Variants in BRF1 observed in about 807,000 individuals in gnomAD.
BRF1 encodes the protein BRF1 general transcription factor IIIB subunit, also known as transcription factor IIIB 90 kDa subunit.
BRF1 carries 59 observed loss-of-function variants against 81.7 expected under a neutral mutation model. The ratio of observed to expected loss-of-function variants is 0.72; its 90% CI spans 0.59 to 0.90. BRF1 has a LOEUF of 0.90. BRF1 is among the 40% of genes least tolerant of loss of function. The probability of loss-of-function intolerance (pLI) is 0.00; values close to 1 mark genes in which losing one functional copy is unlikely to be tolerated. For synonymous variants in BRF1, 491 were observed against 395.6 expected (o/e 1.24, Z -2.86); for missense variants, 1,050 against 936.3 (o/e 1.12, Z -1.58).
intron 5 of BRF1, chr14:105,249,927 G>C: frequency 6.2e-7 from 1 of 1,611,388 alleles, no homozygotes; most frequent in South Asian, 1.1e-5. Flanking sequence ...ATTGTCACTC[G>C]GGAGGCCCTC....
rs147862491 is a variant in BRF1 at position 105,229,456 on chromosome 14, C to T, written c.695-543G>A. Reference sequence around the variant, plus strand: ...CCGGGTAGAGTGGACTCTGTGGGCACGAGGGTAAGGGCCCGGATGAGGAGT... The same window carrying T: ...CCGGGTAGAGTGGACTCTGTGGGCATGAGGGTAAGGGCCCGGATGAGGAGT... On this transcript the variant is annotated intron_variant, in intron 6 of 17. Transcript: ENST00000547530. Among the ~76,000 whole-genome samples the T allele has an allele frequency of 4.1e-3, 632 of 152,300 alleles. 2 individuals carry two copies. The highest frequency in any genetic ancestry group is 4.9e-3 in the Non-Finnish European group (335 of 68,024).
chr14:105,266,028 AC>A (rs1360404372), intron 3 of BRF1, among the ~76,000 whole-genome samples: 3 of 151,150 alleles, frequency 2.0e-5, no homozygotes, highest in African/African-American at 7.3e-5. Flanking sequence ...CCGAGATGGC[AC>A]CACTGCACTC....
chr14:105,248,930 C>T (rs1312770248), intron 5 of BRF1: 4 of 984,808 alleles, frequency 4.1e-6, no homozygotes, highest in Non-Finnish European at 4.8e-6. Flanking sequence ...CCAACAGCAA[C>T]GCCGGCGCCG....
chr14:105,212,355 C>T (rs1435615718), intron 15 of BRF1, 191 bp from the exon 16 acceptor site: 8 of 669,770 alleles, frequency 1.2e-5, no homozygotes, highest in South Asian at 5.9e-5. Context: ...AGCTCTGACC[C>T]GTTCACATTC....
intron 1 of BRF1, among the ~76,000 whole-genome samples, chr14:105,296,451 T>C (rs1001827021): frequency 6.6e-6 from 1 of 151,516 alleles, no homozygotes; most frequent in Non-Finnish European, 1.5e-5. Flanking sequence ...AGGCAGAGCT[T>C]ACAGTGAGCC....
intron 2 of BRF1, among the ~76,000 whole-genome samples, chr14:105,274,321 C>T (rs995436028): frequency 2.6e-5 from 4 of 152,158 alleles, no homozygotes; most frequent in African/African-American, 7.2e-5. Flanking sequence ...ACTCAGAGAC[C>T]GGTGCCGGTG....
At chr14:105,217,291 C>A (rs1009958938) in intron 15 of BRF1, 8 of 605,638 alleles carry the variant, frequency 1.3e-5, no homozygotes, top group Non-Finnish European at 2.3e-5. Context: ...TGGGACAAAA[C>A]AGAGCCTAGG....
intron 10 of BRF1, among the ~76,000 whole-genome samples, chr14:105,225,650 C>CT (rs35252957): frequency 0.35 from 52,065 of 148,896 alleles, 10,880 homozygotes; most frequent in African/African-American, 0.6. Flanking sequence ...AACTTACATT[C>CT]TTTTTTTTTT....
chr14:105,315,063 T>C lies in BRF1; in HGVS notation c.-162+259A>G. ...GTACGCGCCGCCCGCCGCGCTTTGT[T>C]CCCGCCGGGCACCTGCTGGGGGTGT... On this transcript the variant is annotated intron_variant, in intron 1 of 17. Coordinates refer to the BRF1 transcript ENST00000327359. This position sits in a 1 kb window ranked among gnomAD's most constrained non-coding sequence, Gnocchi z 4.4. The C allele has an allele frequency of 8.8e-7, 1 of 1,141,422 alleles. No individual in the cohort carries two copies. Among genetic ancestry groups the C allele is most frequent in the Non-Finnish European group, 1.1e-6 (1 of 922,626 alleles). 70.7% of individuals were successfully genotyped at this position (1,141,422 alleles called of 1,614,324 possible).
chr14:105,284,401 A>G lies in BRF1; in HGVS notation c.265+1895T>C, dbSNP rs755535018. Among the ~76,000 whole-genome samples the G allele has an allele frequency of 2.6e-5, 4 of 152,174 alleles. No homozygotes were observed. Among genetic ancestry groups the G allele is most frequent in the Non-Finnish European group, 4.4e-5 (3 of 68,030 alleles). On this transcript the variant is annotated intron_variant, in intron 2 of 17. Coordinates refer to ENST00000547530, the MANE Select transcript of BRF1 (RefSeq NM_001519.4). The surrounding 1 kb of genome is among the most constrained non-coding windows in gnomAD (Gnocchi z 4.0). ...CAAGCCCAACTACCCCTGCCAGCCTAGGTGTGTCGGTGCTGGCCACCCGTC... is the reference window on the plus strand; with the variant it reads ...CAAGCCCAACTACCCCTGCCAGCCTGGGTGTGTCGGTGCTGGCCACCCGTC...
chr14:105,243,670 T>A (rs1163782125), intron 5 of BRF1, among the ~76,000 whole-genome samples: 1 of 152,062 alleles, frequency 6.6e-6, no homozygotes, highest in Non-Finnish European at 1.5e-5. Flanking sequence ...CATTAATTAT[T>A]GAAATAGAAA....
rs1211034363 is a variant in BRF1 at position 105,278,284 on chromosome 14, T to G, written c.266-5390A>C. Among the ~76,000 whole-genome samples the G allele has an allele frequency of 4.0e-5, 6 of 151,894 alleles. 1 individual carries two copies. Among genetic ancestry groups the G allele is most frequent in the Admixed American group, 2.6e-4 (4 of 15,262 alleles). On this transcript the variant is annotated intron_variant, in intron 2 of 17. Transcript: ENST00000547530. ...CCTGGGCAACATAGTGAGATCCAAC[T>G]GCTAAAATAATCAGCCAGGTGTGGT...
At position 105,315,013 on chromosome 14, in the gene BRF1, G is replaced by A; in HGVS notation, c.-162+309C>T. The A allele has an allele frequency of 8.1e-7, 1 of 1,240,190 alleles. No homozygotes were observed. Among genetic ancestry groups the A allele is most frequent in the South Asian group, 1.7e-5 (1 of 58,328 alleles). 76.8% of individuals were successfully genotyped at this position (1,240,190 alleles called of 1,614,324 possible). On this transcript the variant is annotated intron_variant, in intron 1 of 17. Coordinates refer to the BRF1 transcript ENST00000327359. This position sits in a 1 kb window ranked among gnomAD's most constrained non-coding sequence, Gnocchi z 4.4. Reference sequence around the variant, plus strand: ...CTGTTCGCCACCTGGGAGGTGGACGGCTCCAGCCCCAGCTGCGTGCCCAGG... The same window carrying A: ...CTGTTCGCCACCTGGGAGGTGGACGACTCCAGCCCCAGCTGCGTGCCCAGG...
In BRF1 at chr14:105,217,641, C is replaced by T. The variant is rs1891553474; in HGVS notation, c.1675G>A (p.Ala559Thr). The T allele has an allele frequency of 2.5e-6, 4 of 1,613,330 alleles. No homozygotes were observed. Among genetic ancestry groups the T allele is most frequent in the Non-Finnish European group, 3.4e-6 (4 of 1,180,024 alleles). The change falls in exon 15 of 18, where the codon GCA becomes ACA. Residue 559 changes from alanine to threonine, a missense_variant. By Grantham distance (58) the Ala-to-Thr change is moderately conservative (BLOSUM62 0). Coordinates refer to ENST00000547530, the MANE Select transcript of BRF1 (RefSeq NM_001519.4). Reference protein sequence around the residue: ...AGGGSPHREDAQPEHSASARK... With the variant: ...AGGGSPHREDTQPEHSASARK... ...GCACTGGCGCTATGCTCGGGCTGTG[C>T]ATCCTCCCTGTGCGGACTGCCCCCG...
At chr14:105,290,620 C>T (rs2057474241) in intron 1 of BRF1, among the ~76,000 whole-genome samples, 1 of 152,156 alleles carries the variant, frequency 6.6e-6, no homozygotes, top group East Asian at 1.9e-4. Flanking sequence ...AATCTCTTCA[C>T]TCCTTGACCC....
At chr14:105,255,170 C>T (rs1046456143) in intron 4 of BRF1, among the ~76,000 whole-genome samples, 2 of 152,260 alleles carry the variant, frequency 1.3e-5, no homozygotes, top group South Asian at 2.1e-4. Context: ...TGACCACTTC[C>T]GGAGCAGCTG....
intron 3 of BRF1, among the ~76,000 whole-genome samples, chr14:105,266,097 C>T (rs587635604): frequency 1.3e-5 from 2 of 151,984 alleles, no homozygotes; most frequent in South Asian, 4.2e-4. Flanking sequence ...AACAAAAAAC[C>T]GTGTGATGTA....
chr14:105,306,015 C>T (rs956174507), intron 1 of BRF1, among the ~76,000 whole-genome samples: 4 of 152,340 alleles, frequency 2.6e-5, no homozygotes, highest in Non-Finnish European at 4.4e-5. Context: ...AGCAGCAGAG[C>T]GGGGCCCAGG....
intron 3 of BRF1, among the ~76,000 whole-genome samples, chr14:105,260,917 T>TA (rs2056120167): frequency 6.6e-6 from 1 of 152,226 alleles, no homozygotes; most frequent in South Asian, 2.1e-4. Flanking sequence ...GAGGGCCTAC[T>TA]AATGCCTTTG....
Sources: gnomAD v4.1 joint callset for allele counts (sites outside exome capture counted in the v4.1 genomes callset) on GRCh38, gnomAD v4.1.1 for gene constraint, Gnocchi (gnomAD v3.1) non-coding constraint, MANE v1.5 for transcripts, NCBI Gene and HGNC (gene_info 2026-07-23, HGNC 2026-07-21) for gene names.